ELL: variants seen among roughly 807,000 people sequenced by gnomAD.
The protein encoded by ELL is RNA polymerase II elongation factor ELL.
ELL carries 18 observed loss-of-function variants against 64.0 expected under a neutral mutation model. The observed-to-expected ratio is 0.28, with a 90% CI of 0.19 to 0.42. The LOEUF (loss-of-function observed/expected upper bound fraction) is 0.42, where lower values mean the gene tolerates loss of function less well. Ranked by LOEUF, ELL falls within the 10% of genes least tolerant of loss-of-function variation. ELL has a pLI of 1.00. For missense variants in ELL, 797 were observed against 870.4 expected, an observed-to-expected ratio of 0.92 and a Z score of 1.06; for synonymous variants, 399 against 376.2, an observed-to-expected ratio of 1.06 and a Z score of -0.70.
At chr19:18,495,785 G>A (rs540425553) in intron 1 of ELL, among the ~76,000 whole-genome samples, 2 of 152,302 alleles carry the variant, frequency 1.3e-5, no homozygotes, top group African/African-American at 2.4e-5. Context: ...GGTCCCACGC[G>A]CCTCAGCTTC....
At chr19:18,503,121 A>G (rs1402885251) in intron 1 of ELL, among the ~76,000 whole-genome samples, 2 of 152,252 alleles carry the variant, frequency 1.3e-5, no homozygotes, top group African/African-American at 2.4e-5. Flanking sequence ...GCTTAAAAAG[A>G]AAAGGGAACT....
At chr19:18,477,179 G>A (rs548747605) in intron 1 of ELL, among the ~76,000 whole-genome samples, 16 of 152,302 alleles carry the variant, frequency 1.1e-4, no homozygotes, top group Non-Finnish European at 1.9e-4. Flanking sequence ...AGAGAGCCAC[G>A]AGGGGCTTCT....
chr19:18,496,924 G>A (rs1482121987), intron 1 of ELL, among the ~76,000 whole-genome samples: 1 of 152,238 alleles, frequency 6.6e-6, no homozygotes, highest in African/African-American at 2.4e-5. Context: ...TGAGGACATG[G>A]GGCAACAGGA....
intron 1 of ELL, among the ~76,000 whole-genome samples, chr19:18,493,058 G>A (rs539420390): frequency 5.9e-5 from 9 of 152,124 alleles, no homozygotes; most frequent in Non-Finnish European, 8.8e-5. Flanking sequence ...GGCTTCTAAA[G>A]CCAACAGTGA....
chr19:18,516,194 C>A (rs1250688592), intron 1 of ELL, among the ~76,000 whole-genome samples: 1 of 152,154 alleles, frequency 6.6e-6, no homozygotes, highest in Non-Finnish European at 1.5e-5. Context: ...GACATCCACA[C>A]AGCCCACCCA....
At chr19:18,490,735 G>T (rs1368752633) in intron 1 of ELL, among the ~76,000 whole-genome samples, 5 of 152,086 alleles carry the variant, frequency 3.3e-5, no homozygotes, top group Admixed American at 3.3e-4. Flanking sequence ...CCCAGACAGC[G>T]CTGCCCCGTG....
chr19:18,495,328 T>G (rs1191408921), intron 1 of ELL, among the ~76,000 whole-genome samples: 1 of 151,982 alleles, frequency 6.6e-6, no homozygotes, highest in Non-Finnish European at 1.5e-5. Context: ...TGGCCCCACG[T>G]GCACATCACC....
At chr19:18,453,010 G>A (rs917196642) in intron 6 of ELL, among the ~76,000 whole-genome samples, 5 of 152,252 alleles carry the variant, frequency 3.3e-5, no homozygotes, top group African/African-American at 4.8e-5. Context: ...CATGGCTCAC[G>A]CCTGTAATCC....
At chr19:18,513,052 CTG>C (rs900422286) in intron 1 of ELL, among the ~76,000 whole-genome samples, 3 of 152,198 alleles carry the variant, frequency 2.0e-5, no homozygotes, top group Non-Finnish European at 4.4e-5. Flanking sequence ...GTCTCCCCAT[CTG>C]AAGAACGGTG....
At chr19:18,490,643 T>C (rs894052479) in intron 1 of ELL, among the ~76,000 whole-genome samples, 4 of 152,204 alleles carry the variant, frequency 2.6e-5, no homozygotes, top group Non-Finnish European at 5.9e-5. Flanking sequence ...ACCAAATGCA[T>C]GGTATCTTCC....
intron 1 of ELL, among the ~76,000 whole-genome samples, chr19:18,491,411 C>G (rs1975531576): frequency 6.6e-6 from 1 of 151,776 alleles, no homozygotes; most frequent in Non-Finnish European, 1.5e-5. Context: ...CTCTGCCAGG[C>G]CAAAATCAGT....
At chr19:18,457,583 C>A (rs1264984887) in intron 6 of ELL, among the ~76,000 whole-genome samples, 1 of 152,198 alleles carries the variant, frequency 6.6e-6, no homozygotes, top group East Asian at 1.9e-4. Context: ...CCTGAGAAAT[C>A]ACTTACGGAC....
Position 18,492,902 on chromosome 19 carries a change from C to T in ELL, c.136-20020G>A, listed in dbSNP as rs529049316. 3.7e-4 allele frequency among the ~76,000 whole-genome samples: 57 copies of T among 152,172 alleles called. 1 individual carries two copies. The South Asian group carries it at 9.5e-3, about 25-fold the overall frequency. ...CCGTGAAGTCCCACTGGCCAGGCTGCGATGACACCAGGAAAAGCTAGGACA... is the reference window on the plus strand; with the variant it reads ...CCGTGAAGTCCCACTGGCCAGGCTGTGATGACACCAGGAAAAGCTAGGACA... On this transcript the variant is annotated intron_variant, in intron 1 of 11. Transcript: ENST00000262809.
In ELL at chr19:18,443,517, G is replaced by A. The variant is rs1974338145; in HGVS notation, c.*1235C>T. 4.3e-6 allele frequency: 1 copy of A among 233,404 alleles called. No homozygotes were observed. Among genetic ancestry groups the A allele is most frequent in the Admixed American group, 5.6e-5 (1 of 17,774 alleles). The allele number at this position is 233,404 out of a possible 1,614,324, so 14.5% of individuals were successfully genotyped here. A position where few individuals can be genotyped will look rare whatever the true frequency, so the allele number is the denominator to read the frequency against. Reference sequence around the variant, plus strand: ...ACCCCCCACCACCTTTCCAAGTCATGGCTTCATTCAGCCCTAAATGGGAAC... The same window carrying A: ...ACCCCCCACCACCTTTCCAAGTCATAGCTTCATTCAGCCCTAAATGGGAAC... On this transcript the variant is annotated 3_prime_UTR_variant, in exon 12 of 12. Transcript: ENST00000262809.
At chr19:18,471,366 C>T (rs1357440520) in intron 2 of ELL, 1 of 448,508 alleles carries the variant, frequency 2.2e-6, no homozygotes, top group Admixed American at 2.4e-5. Context: ...CAGAGAGACT[C>T]ATCTCTTAAA....
At position 18,449,655 on chromosome 19, in the gene ELL, G is replaced by T. The variant is rs575554991; in HGVS notation, c.1465+822C>A. 1.3e-5 allele frequency among the ~76,000 whole-genome samples: 2 copies of T among 152,304 alleles called. No homozygotes were observed. Among genetic ancestry groups the T allele is most frequent in the East Asian group, 3.9e-4 (2 of 5,168 alleles). ...GACACAACCCAAAAGCACAGCAGGT[G>T]ACACCACCTGGGCTGCCCTGGGCCA... On this transcript the variant is annotated intron_variant, in intron 8 of 11. Coordinates refer to ENST00000262809, the MANE Select transcript of ELL (RefSeq NM_006532.4). This position sits in a 1 kb window ranked among gnomAD's most constrained non-coding sequence, Gnocchi z 4.4.
At chr19:18,466,372 C>A (rs1376595065) in intron 2 of ELL, among the ~76,000 whole-genome samples, 1 of 152,220 alleles carries the variant, frequency 6.6e-6, no homozygotes, top group African/African-American at 2.4e-5. Flanking sequence ...TCTGGCGCCC[C>A]TCCTTGGCGA....
intron 1 of ELL, among the ~76,000 whole-genome samples, chr19:18,510,278 G>A (rs889443083): frequency 2.6e-5 from 4 of 152,248 alleles, no homozygotes; most frequent in Admixed American, 1.3e-4. Context: ...GCTGAGGCAC[G>A]AGAATTGCTT....
At chr19:18,502,650 C>T (rs1426207849) in intron 1 of ELL, among the ~76,000 whole-genome samples, 2 of 152,170 alleles carry the variant, frequency 1.3e-5, no homozygotes, top group East Asian at 3.8e-4. Flanking sequence ...GAGGAAGAGA[C>T]GGTGTTTAAA....
Sources: gnomAD v4.1 joint callset for allele counts (sites outside exome capture counted in the v4.1 genomes callset) on GRCh38, gnomAD v4.1.1 for gene constraint, Gnocchi (gnomAD v3.1) non-coding constraint, MANE v1.5 for transcripts, NCBI Gene and HGNC (gene_info 2026-07-23, HGNC 2026-07-21) for gene names.